The following PIK3C2G variants were observed in gnomAD, a reference collection of about 807,000 sequenced individuals.
The protein encoded by PIK3C2G is phosphatidylinositol-4-phosphate 3-kinase catalytic subunit type 2 gamma, also known as phosphatidylinositol 3-kinase C2 domain-containing subunit gamma.
Under a neutral mutation model 181.1 loss-of-function variants are expected in PIK3C2G, and 168 were observed. That is an observed-to-expected ratio of 0.93 (90% CI 0.82 to 1.05). The LOEUF (loss-of-function observed/expected upper bound fraction) is 1.05. Ranked by LOEUF, PIK3C2G falls within the 50% of genes least tolerant of loss-of-function variation. PIK3C2G has a pLI of 0.00. For missense variants in PIK3C2G, 1,869 were observed against 1,732.8 expected, an observed-to-expected ratio of 1.08 and a Z score of -1.40; for synonymous variants, 573 against 592.2, an observed-to-expected ratio of 0.97 and a Z score of 0.47.
chr12:18,282,052 G>C lies in PIK3C2G; in HGVS notation c.-30G>C. The stretch of plus-strand genomic sequence containing the variant: ...TTATCAAGGAGATATTTGGAGCAGA[G>C]TCAACCCTCTCAGTTACATAAAATA... On this transcript the variant is annotated 5_prime_UTR_variant, in exon 2 of 33. Transcript: ENST00000538779. The C allele has an allele frequency of 4.5e-6, 6 of 1,338,990 alleles. No homozygotes were observed. The highest frequency in any genetic ancestry group is 6.3e-6 in the Non-Finnish European group (6 of 958,790). The allele number at this position is 1,338,990 out of a possible 1,614,324, so 82.9% of individuals were successfully genotyped here.
chr12:18,293,837 A>C (rs1463692157), intron 4 of PIK3C2G, 64 bp from the exon 5 acceptor site: 1 of 766,164 alleles, frequency 1.3e-6, no homozygotes, highest in Non-Finnish European at 2.3e-6. Context: ...TTGTGCTCAA[A>C]AACTTTTCCT....
intron 11 of PIK3C2G, among the ~76,000 whole-genome samples, chr12:18,350,218 A>T (rs963295191): frequency 6.6e-6 from 1 of 152,108 alleles, no homozygotes; most frequent in African/African-American, 2.4e-5. Flanking sequence ...AATTCTTAAA[A>T]TGATTGTTAG....
At chr12:18,296,627 C>T (rs1473062201) in intron 5 of PIK3C2G, among the ~76,000 whole-genome samples, 1 of 152,052 alleles carries the variant, frequency 6.6e-6, no homozygotes, top group African/African-American at 2.4e-5. Context: ...CATATATCAA[C>T]TATACTATTT....
chr12:18,633,478 G>A (rs746847878), intron 31 of PIK3C2G, among the ~76,000 whole-genome samples: 3 of 152,150 alleles, frequency 2.0e-5, no homozygotes, highest in Non-Finnish European at 4.4e-5. Context: ...ACCTCTGCTG[G>A]TCATGTTTCT....
the PIK3C2G span, among the ~76,000 whole-genome samples, chr12:18,659,326 A>G: frequency 1.3e-5 from 2 of 152,142 alleles, no homozygotes; most frequent in Non-Finnish European, 2.9e-5. Flanking sequence ...GTAGTCAGAC[A>G]AAATAAGCTG....
chr12:18,372,575 G>C (rs1942143119), intron 13 of PIK3C2G: 1 of 152,132 alleles, frequency 6.6e-6, no homozygotes, highest in South Asian at 2.1e-4. Context: ...TCTCATGAGT[G>C]AGTTTCCTTA....
chr12:18,628,183 A>G (rs1949185934), intron 31 of PIK3C2G, among the ~76,000 whole-genome samples: 1 of 152,136 alleles, frequency 6.6e-6, no homozygotes. Context: ...GGATTATTTT[A>G]ATAGAGTTCT....
At chr12:18,552,918 G>A (rs532294338) in intron 26 of PIK3C2G, among the ~76,000 whole-genome samples, 8 of 152,012 alleles carry the variant, frequency 5.3e-5, no homozygotes, top group African/African-American at 1.7e-4. Flanking sequence ...AAAAGATATC[G>A]TAAACTCTTC....
At chr12:18,646,342 G>A (rs1217283467) in intron 32 of PIK3C2G, among the ~76,000 whole-genome samples, 1 of 152,164 alleles carries the variant, frequency 6.6e-6, no homozygotes, top group Non-Finnish European at 1.5e-5. Flanking sequence ...TCTCCTGTAT[G>A]GAATGAGAGT....
At chr12:18,321,684 C>T (rs1325450217) in intron 7 of PIK3C2G, among the ~76,000 whole-genome samples, 1 of 152,066 alleles carries the variant, frequency 6.6e-6, no homozygotes, top group African/African-American at 2.4e-5. Context: ...TTTACGATAG[C>T]AAAGACATGG....
At chr12:18,389,095 G>A (rs1263468366) in intron 14 of PIK3C2G, among the ~76,000 whole-genome samples, 2 of 152,292 alleles carry the variant, frequency 1.3e-5, no homozygotes, top group South Asian at 2.1e-4. Context: ...GCTCACGCCT[G>A]TAATCCAAGC....
chr12:18,417,931 G>A (rs1032120532), intron 16 of PIK3C2G, among the ~76,000 whole-genome samples: 10 of 152,138 alleles, frequency 6.6e-5, no homozygotes, highest in African/African-American at 2.4e-4. Flanking sequence ...GAATTTATAT[G>A]AGTGGTATTT....
intron 31 of PIK3C2G, among the ~76,000 whole-genome samples, chr12:18,639,647 AT>A (rs1240314625): frequency 6.6e-6 from 1 of 152,172 alleles, no homozygotes; most frequent in African/African-American, 2.4e-5. Context: ...CAAATGATCT[AT>A]TTAGAAATTA....
intron 14 of PIK3C2G, among the ~76,000 whole-genome samples, chr12:18,387,352 G>A (rs924679903): frequency 6.6e-6 from 1 of 152,072 alleles, no homozygotes; most frequent in East Asian, 1.9e-4. Flanking sequence ...ACTACCCAGA[G>A]GATTAAGGCC....
chr12:18,309,175 C>T (rs114920535), intron 5 of PIK3C2G, among the ~76,000 whole-genome samples: 291 of 151,802 alleles, frequency 1.9e-3, no homozygotes, highest in African/African-American at 6.7e-3. Flanking sequence ...TATTTAGAGT[C>T]CATTGGTCTG....
intron 13 of PIK3C2G, among the ~76,000 whole-genome samples, chr12:18,380,924 T>C (rs1942791665): frequency 6.6e-6 from 1 of 152,246 alleles, no homozygotes; most frequent in African/African-American, 2.4e-5. Context: ...TAAAGTTCTT[T>C]ATAAACTTAA....
At position 18,505,333 on chromosome 12, in the gene PIK3C2G, G is replaced by C. The variant is rs764396164; in HGVS notation, c.3195G>C (p.Val1065=). ...NFFYSCAGWC[V]VTFILGVCDR... is the part of the protein sequence containing the mutation. ...TCTACTCCTGTGCTGGCTGGTGTGT[G>C]GTAACATTCATCCTGGGAGTATGTG... is the stretch of plus-strand genomic sequence containing the variant. Residue 1065 remains valine (V), a synonymous_variant, in exon 24 of 33, where the codon GTG becomes GTC. Transcript: ENST00000538779. 2.5e-6 allele frequency: 4 copies of C among 1,612,040 alleles called. No individual in the cohort carries two copies. The highest frequency in any genetic ancestry group is 3.4e-6 in the Non-Finnish European group (4 of 1,178,860).
chr12:18,343,466 AACACACACACACAC>A (rs61320852), intron 10 of PIK3C2G, 106 bp downstream of exon 10: 1 of 494,794 alleles, frequency 2.0e-6, no homozygotes, highest in Non-Finnish European at 3.7e-6. Context: ...GGTAACACAC[AACACACACACACAC>A]ACACACACAC....
intron 29 of PIK3C2G, among the ~76,000 whole-genome samples, chr12:18,589,530 G>A (rs893708917): frequency 6.6e-6 from 1 of 151,924 alleles, no homozygotes; most frequent in African/African-American, 2.4e-5. Context: ...GTAGAGGGCA[G>A]TATAGTCAGT....
Sources: gnomAD v4.1 joint callset for allele counts (sites outside exome capture counted in the v4.1 genomes callset) on GRCh38, gnomAD v4.1.1 for gene constraint, MANE v1.5 for transcripts, NCBI Gene and HGNC (gene_info 2026-07-23, HGNC 2026-07-21) for gene names.